Variants in NLRP7 observed in about 807,000 individuals in gnomAD.
NLRP7 encodes the protein NACHT, LRR and PYD domains-containing protein 7.
A neutral mutation model predicts 85.5 loss-of-function variants in NLRP7; 72 were observed. That is an observed-to-expected ratio of 0.84 (90% CI 0.70 to 1.02). The LOEUF (loss-of-function observed/expected upper bound fraction) is 1.02. Ranked by LOEUF, NLRP7 falls within the 50% of genes least tolerant of loss-of-function variation. The pLI is 0.00. For missense variants in NLRP7, 1,243 were observed against 1,219.5 expected, an observed-to-expected ratio of 1.02 and a Z score of -0.29; for synonymous variants, 550 against 505.2, an observed-to-expected ratio of 1.09 and a Z score of -1.19.
chr19:54,957,562 C>T (rs535979979), intron 1 of NLRP7, among the ~76,000 whole-genome samples: 50 of 152,016 alleles, frequency 3.3e-4, no homozygotes, highest in Admixed American at 3.2e-3. Flanking sequence ...CCAGGCTGGT[C>T]TCAAACTCCT....
At chr19:54,959,573 G>A (rs1177510979) in intron 1 of NLRP7, among the ~76,000 whole-genome samples, 3 of 151,798 alleles carry the variant, frequency 2.0e-5, no homozygotes, top group Non-Finnish European at 4.4e-5. Context: ...AGCACTTTAG[G>A]AGGTTGAGGT....
chr19:54,924,809 A>C (rs923755421), intron 9 of NLRP7, among the ~76,000 whole-genome samples: 1 of 152,064 alleles, frequency 6.6e-6, no homozygotes, highest in African/African-American at 2.4e-5. Context: ...GGTGGCAGAC[A>C]ACTGTAATAC....
intron 1 of NLRP7, among the ~76,000 whole-genome samples, chr19:54,957,694 C>A (rs1197565635): frequency 6.6e-6 from 1 of 152,172 alleles, no homozygotes; most frequent in Non-Finnish European, 1.5e-5. Flanking sequence ...CTTCAATCAT[C>A]TGGCCCTTCC....
rs570302991 is a variant in NLRP7 at position 54,934,527 on chromosome 19, C to T, written c.2433G>A (p.Lys811=). 36 of 1,614,142 alleles carry T rather than the reference C, an allele frequency of 2.2e-5. No homozygotes were observed. The South Asian group carries it at 3.8e-4, about 17-fold the overall frequency. ...GGAAGTGTTTTGGGCGTGTCATGGT[C>T]TTGTACAGCAACATGGCACCCTCAT... Residue 811 remains lysine, a synonymous_variant, in exon 7 of 10, where the codon AAG becomes AAA. Coordinates refer to ENST00000340844, the Ensembl canonical transcript of NLRP7. This position sits in a 1 kb window ranked among gnomAD's most constrained non-coding sequence, Gnocchi z 6.7.
rs10647956 is a variant in NLRP7 at position 54,931,844 on chromosome 19, TA to T, written c.2643-1179del. 2.5e-3 allele frequency among the ~76,000 whole-genome samples: 275 copies of T among 108,252 alleles called. 1 individual carries two copies. The highest frequency in any genetic ancestry group is 5.2e-3 in the Middle Eastern group (1 of 192). 71.0% of individuals were successfully genotyped at this position (108,252 alleles called of 152,430 possible). A position where few individuals can be genotyped will look rare whatever the true frequency, so the allele number is the denominator to read the frequency against. On this transcript the variant is annotated intron_variant, in intron 8 of 9. Coordinates refer to ENST00000340844, the Ensembl canonical transcript of NLRP7. ...CAGCCTGGTGACAGAGAGAGACTGTTAAAAAAAAAAAAAAAACATCCAAATG... is the reference window on the plus strand; with the variant it reads ...CAGCCTGGTGACAGAGAGAGACTGTTAAAAAAAAAAAAAAACATCCAAATG...
upstream of NLRP7, among the ~76,000 whole-genome samples, chr19:54,949,392 A>G (rs1192700995): frequency 6.6e-6 from 1 of 152,164 alleles, no homozygotes; most frequent in Admixed American, 6.6e-5. Flanking sequence ...CCTGGGCAAT[A>G]TGGCGAGACT....
At chr19:54,964,988 C>T (rs993529176) in intron 1 of NLRP7, 2 of 102,884 alleles carry the variant, frequency 1.9e-5, no homozygotes, top group Non-Finnish European at 4.1e-5. Context: ...ACAGCTGAGG[C>T]TTCTAAGCGG....
intron 9 of NLRP7, among the ~76,000 whole-genome samples, chr19:54,926,351 A>C (rs540670011): frequency 3.5e-4 from 53 of 152,318 alleles, no homozygotes; most frequent in Middle Eastern, 6.8e-3. Flanking sequence ...AGAGCATTTT[A>C]GAAAAGTATC....
At chr19:54,955,660 G>T (rs542412205) in intron 1 of NLRP7, among the ~76,000 whole-genome samples, 3 of 152,016 alleles carry the variant, frequency 2.0e-5, no homozygotes, top group Non-Finnish European at 2.9e-5. Flanking sequence ...GGTCGTGGGC[G>T]CCTGTGGTCC....
chr19:54,933,773 A>G (rs1264028125), intron 7 of NLRP7, 34 bp from the exon 8 acceptor site: 31 of 1,590,822 alleles, frequency 1.9e-5, no homozygotes, highest in Non-Finnish European at 2.7e-5. Context: ...TAGAAGGATG[A>G]GAACATTTCC....
chr19:54,938,281 TGCATGGTGAGATGG>T, intron 4 of NLRP7, 40 bp from the exon 5 acceptor site: 1 of 1,554,442 alleles, frequency 6.4e-7, no homozygotes, highest in Non-Finnish European at 8.9e-7. Context: ...GACTAGTACC[TGCATGGTGAGATGG>T]GCATCTGCAA....
intron 1 of NLRP7, among the ~76,000 whole-genome samples, chr19:54,942,956 G>A (rs775496151): frequency 6.6e-6 from 1 of 151,446 alleles, no homozygotes; most frequent in Non-Finnish European, 1.5e-5. Context: ...AGACCCGCCT[G>A]GCCCACATGG....
At chr19:54,951,917 AT>A (rs1282742440), upstream of NLRP7, among the ~76,000 whole-genome samples, 1 of 151,650 alleles carries the variant, frequency 6.6e-6, no homozygotes, top group Non-Finnish European at 1.5e-5. Context: ...TGCCTGGCTA[AT>A]TTTTTTTGTA....
upstream of NLRP7, among the ~76,000 whole-genome samples, chr19:54,950,613 C>T (rs563312331): frequency 3.9e-5 from 6 of 152,274 alleles, no homozygotes; most frequent in East Asian, 7.7e-4. Flanking sequence ...TACACATAAA[C>T]ATCTCAATGC....
exon 4 of NLRP7, chr19:54,939,243 C>T: frequency 3.1e-6 from 5 of 1,614,222 alleles, no homozygotes; most frequent in East Asian, 2.2e-5. Context: ...TTCTCGTTAG[C>T]GAGGCCGAAT....
chr19:54,956,167 G>A (rs79711880), intron 1 of NLRP7, among the ~76,000 whole-genome samples: 5,798 of 150,004 alleles, frequency 0.039, 10 homozygotes, highest in African/African-American at 0.07. Flanking sequence ...AAGGAGGGAA[G>A]GGAAGGAGGG....
At chr19:54,937,221 A>C (rs1455208836) in intron 5 of NLRP7, among the ~76,000 whole-genome samples, 3 of 151,930 alleles carry the variant, frequency 2.0e-5, no homozygotes, top group East Asian at 1.9e-4. Context: ...GTCTCAAAAA[A>C]AAAAAAAAAA....
At chr19:54,950,629 G>T (rs1373827152), upstream of NLRP7, among the ~76,000 whole-genome samples, 2 of 151,972 alleles carry the variant, frequency 1.3e-5, no homozygotes, top group Non-Finnish European at 2.9e-5. Context: ...AATGCCTTAC[G>T]GAGCAGTATT....
exon 4 of NLRP7, chr19:54,939,575 A>G (rs764724117): frequency 5.6e-6 from 9 of 1,611,616 alleles, no homozygotes; most frequent in Non-Finnish European, 7.6e-6. Flanking sequence ...CAGGAGGCTC[A>G]GCGTCCGCAG....
Sources: gnomAD v4.1 joint callset for allele counts (sites outside exome capture counted in the v4.1 genomes callset) on GRCh38, gnomAD v4.1.1 for gene constraint, Gnocchi (gnomAD v3.1) non-coding constraint, MANE v1.5 for transcripts, NCBI Gene and HGNC (gene_info 2026-07-23, HGNC 2026-07-21) for gene names.